EIF2AK4: variants seen among roughly 807,000 people sequenced by gnomAD.
EIF2AK4 encodes eukaryotic translation initiation factor 2 alpha kinase 4, also known as eIF-2-alpha kinase GCN2.
In EIF2AK4, 139 loss-of-function variants were observed where a neutral mutation model predicts 211.1. That is an observed-to-expected ratio of 0.66 (90% CI 0.57 to 0.76). EIF2AK4 has a LOEUF of 0.76. Among genes scored for constraint, EIF2AK4 ranks in the 30% least tolerant of loss-of-function variants. The probability of loss-of-function intolerance (pLI) is 0.00; values close to 1 mark genes in which losing one functional copy is unlikely to be tolerated. For missense variants in EIF2AK4, 1,664 were observed against 2,043.8 expected, an observed-to-expected ratio of 0.81 and a Z score of 3.58; for synonymous variants, 710 against 751.3, an observed-to-expected ratio of 0.94 and a Z score of 0.90.
intron 36 of EIF2AK4, 115 bp downstream of exon 36, chr15:40,032,352 A>AT: frequency 2.4e-6 from 2 of 834,606 alleles, no homozygotes; most frequent in Non-Finnish European, 4.0e-6. Context: ...TGCAGGCCTT[A>AT]TTGTGATGTG....
intron 9 of EIF2AK4, among the ~76,000 whole-genome samples, chr15:39,971,235 C>A (rs1401362727): frequency 6.6e-6 from 1 of 151,946 alleles, no homozygotes; most frequent in Non-Finnish European, 1.5e-5. Flanking sequence ...TTTAAGTATT[C>A]CAGCACAGCA....
At position 39,967,445 on chromosome 15, in the gene EIF2AK4, C is replaced by T. The variant is rs373182039; in HGVS notation, c.1119C>T (p.Ile373=). 7.3e-5 allele frequency: 118 copies of T among 1,613,768 alleles called. No individual in the cohort carries two copies. The highest frequency in any genetic ancestry group is 9.4e-5 in the Non-Finnish European group (111 of 1,180,000). Reference sequence around the variant, plus strand: ...ATCTCAAAGAGCAAGACGACTCCATCGTGGTGGACATTTTAGTGGAGCACA... The same window carrying T: ...ATCTCAAAGAGCAAGACGACTCCATTGTGGTGGACATTTTAGTGGAGCACA... The part of the protein sequence containing the change: ...AMNLKEQDDS[I]VVDILVEHIS... The change falls in exon 9 of 39, where the codon ATC becomes ATT. Residue 373 remains isoleucine, a synonymous_variant. Coordinates refer to ENST00000263791, the MANE Select transcript of EIF2AK4 (RefSeq NM_001013703.4).
At chr15:40,004,169 A>G (rs751847545) in intron 23 of EIF2AK4, among the ~76,000 whole-genome samples, 34 of 152,372 alleles carry the variant, frequency 2.2e-4, no homozygotes, top group Admixed American at 5.2e-4. Flanking sequence ...GTGGACTGCT[A>G]AACCTTTAGA....
intron 27 of EIF2AK4, among the ~76,000 whole-genome samples, chr15:40,012,846 T>C (rs2035252361): frequency 6.6e-6 from 1 of 152,180 alleles, no homozygotes; most frequent in South Asian, 2.1e-4. Flanking sequence ...AATAAAGGCA[T>C]TTGGTACTTT....
chr15:40,014,580 G>A (rs1303026339), intron 27 of EIF2AK4, among the ~76,000 whole-genome samples: 4 of 152,226 alleles, frequency 2.6e-5, no homozygotes, highest in Non-Finnish European at 2.9e-5. Flanking sequence ...GAGGAGGGGG[G>A]CCCTGGGGCC....
chr15:40,009,510 C>A, intron 25 of EIF2AK4, 104 bp from the exon 26 acceptor site: 1 of 666,388 alleles, frequency 1.5e-6, no homozygotes, highest in Non-Finnish European at 2.6e-6. Flanking sequence ...AAATTCAATC[C>A]TTCCATTGTG....
chr15:39,968,422 G>A (rs2034574911), intron 9 of EIF2AK4, among the ~76,000 whole-genome samples: 1 of 152,206 alleles, frequency 6.6e-6, no homozygotes, highest in African/African-American at 2.4e-5. Flanking sequence ...TCCAATTTGG[G>A]AGAACCCTTC....
intron 20 of EIF2AK4, among the ~76,000 whole-genome samples, chr15:39,998,989 T>G (rs1364305148): frequency 6.6e-6 from 1 of 152,104 alleles, no homozygotes; most frequent in African/African-American, 2.4e-5. Context: ...CACAGAAAAT[T>G]AACAAACTGC....
chr15:40,000,080 T>C (rs1355121466), intron 20 of EIF2AK4, among the ~76,000 whole-genome samples: 1 of 152,224 alleles, frequency 6.6e-6, no homozygotes, highest in Non-Finnish European at 1.5e-5. Context: ...AGAATGAGCA[T>C]AGCATAATTT....
In EIF2AK4 at chr15:40,001,187, C is replaced by T. The variant is rs749223511; in HGVS notation, c.3122C>T (p.Pro1041Leu). 13 of 1,613,778 alleles carry T rather than the reference C, an allele frequency of 8.1e-6. No individual in the cohort carries two copies. The highest frequency in any genetic ancestry group is 1.0e-5 in the Non-Finnish European group (12 of 1,180,000). The change falls in exon 21 of 39, where the codon CCT (proline) becomes CTT (leucine). Residue 1041 changes from proline (P) to leucine (L), a missense_variant. This residue lies in a region of EIF2AK4 where 622 missense variants were observed against 796.8 expected (regional missense o/e 0.78). Coordinates refer to ENST00000263791, the MANE Select transcript of EIF2AK4 (RefSeq NM_001013703.4). ...CAGATCTTCTCGCAGCGCATCTCCC[C>T]TGCCATCGATTACACCTATGACAGC... The part of the protein sequence containing the change: ...MAQIFSQRIS[P>L]AIDYTYDSDI...
rs1224847135 is a variant in EIF2AK4 at position 39,934,154 on chromosome 15, G to A, written c.-42G>A. 5 of 1,277,342 alleles carry A rather than the reference G, an allele frequency of 3.9e-6. No individual in the cohort carries two copies. Among genetic ancestry groups the A allele is most frequent in the East Asian group, 3.3e-5 (1 of 30,166 alleles). The allele number at this position is 1,277,342 out of a possible 1,614,324, so 79.1% of individuals were successfully genotyped here. A position where few individuals can be genotyped will look rare whatever the true frequency, so the allele number is the denominator to read the frequency against. On this transcript the variant is annotated 5_prime_UTR_variant, in exon 1 of 39. Transcript: ENST00000263791. ...CCCCGCAGGCTGCCGGGGGCCCACC[G>A]CCGCCCAGGCAAGGCCGCCCTGCCT...
rs1176167130 is a variant in EIF2AK4, at chr15:39,955,321, A to C, written c.595-299A>C. 3.3e-5 allele frequency among the ~76,000 whole-genome samples: 5 copies of C among 152,202 alleles called. No individual in the cohort carries two copies. In the East Asian group the frequency reaches 9.6e-4, roughly 29 times the overall value. ...TTTAATTTTATTTTTTAATTGACCA[A>C]TAATAGTTGTATATATTCATGGAGT... On this transcript the variant is annotated intron_variant, in intron 5 of 38. Transcript: ENST00000263791.
intron 35 of EIF2AK4, 140 bp downstream of exon 35, chr15:40,030,596 T>A: frequency 1.2e-6 from 1 of 834,644 alleles, no homozygotes; most frequent in Non-Finnish European, 1.8e-6. Context: ...CCAACTTGCC[T>A]AACTGGGTGG....
chr15:40,022,202 G>C (rs532892621), intron 31 of EIF2AK4: 7 of 224,120 alleles, frequency 3.1e-5, no homozygotes, highest in African/African-American at 1.7e-4. Flanking sequence ...GTGTGTGTGT[G>C]TGTGTGTGTG....
chr15:39,988,555 T>G (rs1229453377), intron 15 of EIF2AK4, among the ~76,000 whole-genome samples: 1 of 152,244 alleles, frequency 6.6e-6, no homozygotes, highest in Non-Finnish European at 1.5e-5. Context: ...ATGGCTGTTT[T>G]TTTTCCATAC....
intron 8 of EIF2AK4, 43 bp downstream of exon 8, chr15:39,965,886 A>G (rs2034537656): frequency 6.2e-7 from 1 of 1,604,278 alleles, no homozygotes; most frequent in Admixed American, 1.7e-5. Context: ...GCCTAATCTC[A>G]GGCTTTAGGA....
rs1567002545 is a variant in EIF2AK4, at chr15:40,006,999, T to G, written c.3358-17T>G. On this transcript the variant is annotated splice_polypyrimidine_tract_variant and intron_variant, in intron 23 of 38. Transcript: ENST00000263791. Reference sequence around the variant, plus strand: ...CACATTTTGACATTGACCTTTCATATTTTGTTTATTTTTCAGATCCCTTTT... The same window carrying G: ...CACATTTTGACATTGACCTTTCATAGTTTGTTTATTTTTCAGATCCCTTTT... 1 of 1,571,328 alleles carries G rather than the reference T, an allele frequency of 6.4e-7. No individual in the cohort carries two copies. The highest frequency in any genetic ancestry group is 1.1e-5 in the South Asian group (1 of 88,934).
chr15:39,973,672 A>G lies in EIF2AK4; in HGVS notation c.1741A>G (p.Arg581Gly), dbSNP rs1164037485. 5 of 1,614,076 alleles carry G rather than the reference A, an allele frequency of 3.1e-6. No individual in the cohort carries two copies. In the East Asian group the frequency reaches 1.1e-4, roughly 36 times the overall value. ...PSAAFFSETQ[R>G]QFSRYFIEFE... ...TGCTGCCTTCTTTAGTGAGACACAG[A>G]GACAGTTTTCCCGATACTTCATTGA... Residue 581 changes from arginine (R) to glycine (G), a missense_variant, in exon 11 of 39, where the codon AGA becomes GGA. Physicochemically the swap from Arg to Gly is moderately radical, Grantham distance 125. This residue lies in a region of EIF2AK4 where 641 missense variants were observed against 729.6 expected (regional missense o/e 0.88). Transcript: ENST00000263791.
intron 1 of EIF2AK4, among the ~76,000 whole-genome samples, chr15:39,935,407 C>T (rs1280936505): frequency 1.3e-5 from 2 of 151,644 alleles, no homozygotes; most frequent in Admixed American, 6.6e-5. Context: ...GGCATGACCA[C>T]GGCTCACTGC....
Sources: gnomAD v4.1 joint callset for allele counts (sites outside exome capture counted in the v4.1 genomes callset) on GRCh38, gnomAD v4.1.1 for gene constraint, gnomAD v4.1.1 regional missense constraint, MANE v1.5 for transcripts, NCBI Gene and HGNC (gene_info 2026-07-23, HGNC 2026-07-21) for gene names.